CTDP1: variants seen among roughly 807,000 people sequenced by gnomAD.
The protein encoded by CTDP1 is RNA polymerase II subunit A C-terminal domain phosphatase.
In CTDP1, 47 loss-of-function variants were observed where a neutral mutation model predicts 91.8. That is an observed-to-expected ratio of 0.51 (90% confidence interval 0.41 to 0.65). CTDP1 has a LOEUF of 0.65. Ranked by LOEUF, CTDP1 falls within the 30% of genes least tolerant of loss-of-function variation. The pLI is 0.00. For synonymous variants in CTDP1, 656 were observed against 598.5 expected (o/e 1.10, Z -1.40); for missense variants, 1,272 against 1,373.7 (o/e 0.93, Z 1.17).
chr18:79,733,028 G>A (rs58558457), intron 11 of CTDP1, among the ~76,000 whole-genome samples: 78,025 of 151,776 alleles, frequency 0.51, 20,705 homozygotes, highest in Middle Eastern at 0.65. Flanking sequence ...CCCCCACACA[G>A]TCCCTGAGTC....
intron 12 of CTDP1, among the ~76,000 whole-genome samples, chr18:79,745,317 C>G (rs1482956885): frequency 1.7e-5 from 2 of 117,232 alleles, no homozygotes; most frequent in African/African-American, 7.6e-5. Context: ...CGTTCTGTCC[C>G]TGCGTCCCTC....
In CTDP1 at chr18:79,713,488, G is replaced by T. The variant is rs189286321; in HGVS notation, c.1030+350G>T. On this transcript the variant is annotated intron_variant, in intron 7 of 12. Transcript: ENST00000613122. This position sits in a 1 kb window ranked among gnomAD's most constrained non-coding sequence, Gnocchi z 4.7. ...GTGTTCTGTAGAGAGAGTGAATGTGGGGGCGGTGGCTCTGCGGGGAATAAC... is the reference window on the plus strand; with the variant it reads ...GTGTTCTGTAGAGAGAGTGAATGTGTGGGCGGTGGCTCTGCGGGGAATAAC... 1.9e-3 allele frequency among the ~76,000 whole-genome samples: 291 copies of T among 152,314 alleles called. No homozygotes were observed. The highest frequency in any genetic ancestry group is 6.8e-3 in the Middle Eastern group (2 of 294).
intron 7 of CTDP1, 59 bp from the exon 8 acceptor site, chr18:79,714,432 A>C: frequency 6.3e-7 from 1 of 1,580,216 alleles, no homozygotes. Flanking sequence ...TTAACTTGGA[A>C]CGTTATTTAA....
intron 1 of CTDP1, among the ~76,000 whole-genome samples, chr18:79,689,972 T>A (rs2085586647): frequency 6.6e-6 from 1 of 152,192 alleles, no homozygotes; most frequent in Admixed American, 6.5e-5. Context: ...GATTCTAGGC[T>A]GCTGCTCTCC....
intron 5 of CTDP1, 81 bp downstream of exon 5, chr18:79,704,998 G>A (rs2085938711): frequency 1.3e-6 from 2 of 1,590,726 alleles, no homozygotes; most frequent in Non-Finnish European, 1.7e-6. Context: ...TAAAGATGAA[G>A]AAAGAAAAGA....
In CTDP1 at chr18:79,680,259, A is replaced by C; in HGVS notation, c.312A>C (p.Pro104=). Residue 104 remains proline (P), a splice_region_variant and synonymous_variant, in exon 1 of 13, where the codon CCA becomes CCC. Transcript: ENST00000613122. The part of the protein sequence containing the change: ...LCAQPGQVVA[P]GAVLVRLEGC... ...CGCAGCCGGGCCAGGTGGTCGCCCC[A>C]GGGTGAGTGTGCTGAGCCGGGCGGG... is the stretch of plus-strand genomic sequence containing the variant. The C allele has an allele frequency of 2.3e-6, 3 of 1,287,428 alleles. No homozygotes were observed. The highest frequency in any genetic ancestry group is 2.9e-6 in the Non-Finnish European group (3 of 1,021,124). The allele number at this position is 1,287,428 out of a possible 1,614,324, so 79.8% of individuals were successfully genotyped here. A position where few individuals can be genotyped will look rare whatever the true frequency, so the allele number is the denominator to read the frequency against.
intron 10 of CTDP1, among the ~76,000 whole-genome samples, chr18:79,728,668 G>A (rs2086500559): frequency 1.3e-5 from 1 of 79,012 alleles, no homozygotes; most frequent in Admixed American, 1.6e-4. Context: ...AAGAAGATGG[G>A]TGTTATTTTT....
At chr18:79,727,058 G>A (rs1456781651) in intron 10 of CTDP1, among the ~76,000 whole-genome samples, 4 of 152,138 alleles carry the variant, frequency 2.6e-5, no homozygotes, top group Non-Finnish European at 4.4e-5. Context: ...TGTGGGGGCT[G>A]GTGAGAATCC....
chr18:79,742,034 C>T (rs903949284), intron 12 of CTDP1, among the ~76,000 whole-genome samples: 5 of 152,230 alleles, frequency 3.3e-5, no homozygotes, highest in African/African-American at 1.2e-4. Context: ...GAGGAAATGC[C>T]GGGAGCAGGG....
intron 12 of CTDP1, among the ~76,000 whole-genome samples, chr18:79,748,508 G>A (rs777300871): frequency 9.2e-5 from 14 of 152,320 alleles, no homozygotes; most frequent in Middle Eastern, 3.4e-3. Flanking sequence ...AGTCAGCTAC[G>A]TTTTTCCAAA....
At chr18:79,695,118 T>C in intron 1 of CTDP1, 107 bp from the exon 2 acceptor site, 1 of 942,704 alleles carries the variant, frequency 1.1e-6, no homozygotes, top group Non-Finnish European at 1.7e-6. Flanking sequence ...TATGCAAGGG[T>C]TAGTGTAGAA....
intron 8 of CTDP1, among the ~76,000 whole-genome samples, chr18:79,716,673 G>A (rs1022260614): frequency 2.6e-5 from 4 of 152,182 alleles, no homozygotes; most frequent in African/African-American, 9.7e-5. Flanking sequence ...GCCAGGCCAG[G>A]GTCCTCCTTG....
At chr18:79,730,534 A>G (rs2086544595) in intron 11 of CTDP1, among the ~76,000 whole-genome samples, 1 of 152,182 alleles carries the variant, frequency 6.6e-6, no homozygotes, top group African/African-American at 2.4e-5. Context: ...CCCAAAACCT[A>G]ATCCTTTCTC....
chr18:79,726,895 ATGGCTGT>A (rs1568206099), intron 10 of CTDP1, among the ~76,000 whole-genome samples: 5 of 77,668 alleles, frequency 6.4e-5, no homozygotes, highest in Non-Finnish European at 7.6e-5. Context: ...TTGCTGGTGG[ATGGCTGT>A]CGGGGTGGGA....
At chr18:79,685,087 C>T (rs997002779) in intron 1 of CTDP1, among the ~76,000 whole-genome samples, 1 of 38,494 alleles carries the variant, frequency 2.6e-5, no homozygotes. Context: ...GTGAGGAGGA[C>T]GGTGCAGATG....
rs762885419 is a variant in CTDP1, at chr18:79,714,754, G to A, written c.1294G>A (p.Gly432Ser). The A allele has an allele frequency of 3.7e-6, 6 of 1,600,742 alleles. No homozygotes were observed. Among genetic ancestry groups the A allele is most frequent in the Admixed American group, 3.5e-5 (2 of 57,584 alleles). ...TGAGCCCCAGGGATCCTGTGCGCAG[G>A]GTGGCCGGGTGGCACCGGGACAGCG... is the stretch of plus-strand genomic sequence containing the variant. ...APEPQGSCAQ[G>S]GRVAPGQRPA... Residue 432 changes from glycine to serine, a missense_variant, in exon 8 of 13, where the codon GGT becomes AGT. Gly to Ser is a moderately conservative substitution (Grantham distance 56). Coordinates refer to ENST00000613122, the MANE Select transcript of CTDP1 (RefSeq NM_004715.5).
At chr18:79,743,541 A>AAG (rs1555685209) in intron 12 of CTDP1, among the ~76,000 whole-genome samples, 1 of 150,740 alleles carries the variant, frequency 6.6e-6, no homozygotes, top group Non-Finnish European at 1.5e-5. Context: ...AAAAAAAAAA[A>AAG]AAACAGTGAA....
intron 11 of CTDP1, among the ~76,000 whole-genome samples, chr18:79,729,660 C>T (rs959844242): frequency 6.6e-6 from 1 of 152,216 alleles, no homozygotes; most frequent in Non-Finnish European, 1.5e-5. Flanking sequence ...CCCCTTGGCC[C>T]GTGTGCTTCT....
At chr18:79,694,275 G>A (rs1276017460) in intron 1 of CTDP1, among the ~76,000 whole-genome samples, 1 of 129,146 alleles carries the variant, frequency 7.7e-6, no homozygotes, top group African/African-American at 3.1e-5. Flanking sequence ...GCACCTAGGG[G>A]TGGGCGCTGA....
Sources: allele counts gnomAD v4.1 joint callset (sites outside exome capture counted in the v4.1 genomes callset), GRCh38; gene constraint gnomAD v4.1.1; non-coding constraint Gnocchi (gnomAD v3.1); transcripts MANE v1.5; gene names NCBI Gene and HGNC (gene_info 2026-07-23, HGNC 2026-07-21).